KANSL3: variants seen among roughly 807,000 people sequenced by gnomAD.
The protein encoded by KANSL3 is KAT8 regulatory NSL complex subunit 3, also known as NSL complex protein NSL3.
Under a neutral mutation model 89.2 loss-of-function variants are expected in KANSL3, and 16 were observed. That is an observed-to-expected ratio of 0.18 (90% confidence interval 0.12 to 0.27). The LOEUF (loss-of-function observed/expected upper bound fraction) is 0.27, where lower values mean the gene tolerates loss of function less well. Among genes scored for constraint, KANSL3 ranks in the 10% least tolerant of loss-of-function variants. The pLI is 1.00. For missense variants in KANSL3, 879 were observed against 1,110.6 expected (o/e 0.79, Z 2.96); for synonymous variants, 385 against 419.7 (o/e 0.92, Z 1.01).
At chr2:96,622,947 C>T (rs2071578124) in intron 3 of KANSL3, among the ~76,000 whole-genome samples, 1 of 152,208 alleles carries the variant, frequency 6.6e-6, no homozygotes, top group Non-Finnish European at 1.5e-5. Flanking sequence ...CTATTTAACA[C>T]TGTAACCCTC....
In KANSL3 at chr2:96,608,963, G is replaced by A. The variant is rs371430251; in HGVS notation, c.1485C>T (p.Arg495=). Residue 495 remains arginine (R), a synonymous_variant, in exon 13 of 21, where the codon CGC becomes CGT. Coordinates refer to ENST00000431828, the MANE Select transcript of KANSL3 (RefSeq NM_001115016.3). ...AGGCCAAGTCTCTGCGGGCCACATC[G>A]CGGGGCTTCTTCTTCTTCTCAGCAT... ...DQDAEKKKKP[R]DVARRDLAFE... 7.2e-5 allele frequency: 113 copies of A among 1,562,756 alleles called. No individual in the cohort carries two copies. The highest frequency in any genetic ancestry group is 3.3e-4 in the Middle Eastern group (2 of 6,000).
At chr2:96,582,002 T>C in the KANSL3 span, among the ~76,000 whole-genome samples, 1 of 152,364 alleles carries the variant, frequency 6.6e-6, no homozygotes, top group East Asian at 1.9e-4. Context: ...TTAAAAATTA[T>C]TTGTACATTA....
chr2:96,592,582 T>C (rs1296939039), downstream of KANSL3, among the ~76,000 whole-genome samples: 1 of 152,148 alleles, frequency 6.6e-6, no homozygotes, highest in African/African-American at 2.4e-5. Flanking sequence ...ACCTCCAGTC[T>C]CCCATCTTAG....
At chr2:96,624,150 G>T (rs558787303) in intron 3 of KANSL3, among the ~76,000 whole-genome samples, 132 of 152,298 alleles carry the variant, frequency 8.7e-4, no homozygotes, top group African/African-American at 3.1e-3. Flanking sequence ...GGATGCCTTG[G>T]AACTGGGAAG....
chr2:96,602,801 G>A lies in KANSL3; in HGVS notation c.2211C>T (p.Ser737=). ...GATTTGCTGGAAGGCCAGAGGTCTT[G>A]CTGCTGATATCCTGCAAGCTGAAGC... is the stretch of plus-strand genomic sequence containing the variant. ...GLSFSLQDIS[S]KTSGLPANPS... is the part of the protein sequence containing the mutation. Residue 737 remains serine (S), a synonymous_variant, in exon 18 of 21, where the codon AGC becomes AGT. Coordinates refer to ENST00000431828, the MANE Select transcript of KANSL3 (RefSeq NM_001115016.3). 1 of 1,612,268 alleles carries A rather than the reference G, an allele frequency of 6.2e-7. No homozygotes were observed. Among genetic ancestry groups the A allele is most frequent in the Non-Finnish European group, 8.5e-7 (1 of 1,178,988 alleles).
chr2:96,604,139 C>T (rs1248534532), intron 17 of KANSL3, 111 bp downstream of exon 17: 1 of 1,267,846 alleles, frequency 7.9e-7, no homozygotes, highest in African/African-American at 1.5e-5. Flanking sequence ...ACTCTAAGAC[C>T]CAGAGGCCCA....
chr2:96,612,203 C>G, intron 9 of KANSL3, 79 bp downstream of exon 9: 1 of 976,694 alleles, frequency 1.0e-6, no homozygotes, highest in Non-Finnish European at 1.7e-6. Flanking sequence ...GCCTGACACA[C>G]AGTAAAGGAC....
chr2:96,594,156 C>T lies in KANSL3; in HGVS notation c.*1455G>A, dbSNP rs2066382879. 1 of 152,238 alleles carries T rather than the reference C, an allele frequency of 6.6e-6. No individual in the cohort carries two copies. Among genetic ancestry groups the T allele is most frequent in the Non-Finnish European group, 1.5e-5 (1 of 68,074 alleles). The allele number at this position is 152,238 out of a possible 1,614,324, so 9.4% of individuals were successfully genotyped here. A position where few individuals can be genotyped will look rare whatever the true frequency, so the allele number is the denominator to read the frequency against. On this transcript the variant is annotated 3_prime_UTR_variant, in exon 21 of 21. Transcript: ENST00000431828. ...GCCAGGAAGGCTCCCAGATTGAACA[C>T]AGGTGACCTGGTATAGATACACACT...
chr2:96,587,411 G>A, the KANSL3 span, among the ~76,000 whole-genome samples: 1 of 152,146 alleles, frequency 6.6e-6, no homozygotes, highest in Non-Finnish European at 1.5e-5. Context: ...GAGGCCAGGT[G>A]GGGAGCCAAA....
chr2:96,592,376 C>A (rs190876029), downstream of KANSL3, among the ~76,000 whole-genome samples: 3 of 152,118 alleles, frequency 2.0e-5, no homozygotes, highest in Non-Finnish European at 4.4e-5. Flanking sequence ...TATTTATTGG[C>A]GGTGGGTGGA....
At chr2:96,602,962 T>A (rs1420816930) in intron 17 of KANSL3, 100 bp from the exon 18 acceptor site, 10 of 1,113,584 alleles carry the variant, frequency 9.0e-6, no homozygotes, top group African/African-American at 1.5e-5. Flanking sequence ...AAAACACCAG[T>A]GGTGCTTGCC....
chr2:96,606,664 GA>G, intron 14 of KANSL3: 2 of 233,718 alleles, frequency 8.6e-6, no homozygotes, highest in Non-Finnish European at 8.5e-6. Flanking sequence ...AACACACAAG[GA>G]AACTGAGACT....
At position 96,631,497 on chromosome 2, in the gene KANSL3, G is replaced by T; in HGVS notation, c.216-15C>A. 1 of 1,556,496 alleles carries T rather than the reference G, an allele frequency of 6.4e-7. No homozygotes were observed. The highest frequency in any genetic ancestry group is 2.4e-5 in the East Asian group (1 of 41,544). ...CGTCTGATTCACTGTAAACAGGTGA[G>T]GAAATAGGACCGGGCCACACATACT... is the stretch of plus-strand genomic sequence containing the variant. On this transcript the variant is annotated splice_polypyrimidine_tract_variant and intron_variant, in intron 2 of 20. Coordinates refer to ENST00000431828, the MANE Select transcript of KANSL3 (RefSeq NM_001115016.3).
intron 14 of KANSL3, 111 bp downstream of exon 14, chr2:96,608,397 G>A (rs910991559): frequency 3.6e-5 from 37 of 1,017,116 alleles, no homozygotes; most frequent in Admixed American, 4.6e-5. Flanking sequence ...GAGAAAGGGC[G>A]CCTCTCACAT....
chr2:96,603,906 T>C (rs551924137), intron 17 of KANSL3: 1 of 178,896 alleles, frequency 5.6e-6, no homozygotes, highest in East Asian at 1.4e-4. Context: ...TCCATGGATT[T>C]TGGTAGTGGT....
At chr2:96,605,089 A>G (rs2067780247) in intron 15 of KANSL3, among the ~76,000 whole-genome samples, 1 of 152,246 alleles carries the variant, frequency 6.6e-6, no homozygotes, top group African/African-American at 2.4e-5. Context: ...AAAGAACAAA[A>G]TATAGGATGC....
At chr2:96,620,951 G>A (rs945698657) in intron 3 of KANSL3, among the ~76,000 whole-genome samples, 2 of 152,066 alleles carry the variant, frequency 1.3e-5, no homozygotes, top group South Asian at 2.1e-4. Flanking sequence ...GCAGTGAGCC[G>A]TGATCATGCC....
intron 17 of KANSL3, 143 bp from the exon 18 acceptor site, chr2:96,603,005 A>G (rs1039124625): frequency 2.9e-6 from 2 of 683,348 alleles, no homozygotes; most frequent in Non-Finnish European, 5.0e-6. Context: ...GAAGGCAGGA[A>G]GCTCTCCCCA....
chr2:96,613,975 T>C (rs2069480457), intron 5 of KANSL3, among the ~76,000 whole-genome samples: 2 of 152,178 alleles, frequency 1.3e-5, no homozygotes, highest in South Asian at 2.1e-4. Flanking sequence ...CAGAGACAAA[T>C]TAACTATGAA....
Sources: allele counts gnomAD v4.1 joint callset (sites outside exome capture counted in the v4.1 genomes callset), GRCh38; gene constraint gnomAD v4.1.1; transcripts MANE v1.5; gene names NCBI Gene and HGNC (gene_info 2026-07-23, HGNC 2026-07-21).